Variants in SNX5 observed in about 807,000 individuals in gnomAD.
SNX5 encodes sorting nexin 5.
Under a neutral mutation model 53.9 loss-of-function variants are expected in SNX5, and 31 were observed. The ratio of observed to expected loss-of-function variants is 0.58; its 90% CI spans 0.43 to 0.78. SNX5 has a LOEUF of 0.78. Ranked by LOEUF, SNX5 falls within the 30% of genes least tolerant of loss-of-function variation. SNX5 has a pLI of 0.00. For missense variants in SNX5, 471 were observed against 478.8 expected, an observed-to-expected ratio of 0.98 and a Z score of 0.15; for synonymous variants, 168 against 171.1, an observed-to-expected ratio of 0.98 and a Z score of 0.14.
intron 1 of SNX5, among the ~76,000 whole-genome samples, chr20:17,964,155 TC>T (rs2081687762): frequency 1.3e-5 from 2 of 152,200 alleles, no homozygotes; most frequent in African/African-American, 4.8e-5. Flanking sequence ...CAACATTTTA[TC>T]ACCCACCAGC....
intron 12 of SNX5, chr20:17,942,849 G>A (rs915440953): frequency 4.9e-6 from 2 of 406,384 alleles, no homozygotes. Flanking sequence ...CCTGAGGTCA[G>A]GGGTTCAAGT....
At chr20:17,950,458 C>T (rs2122365020) in intron 6 of SNX5, 62 bp from the exon 7 acceptor site, 1 of 902,732 alleles carries the variant, frequency 1.1e-6, no homozygotes, top group South Asian at 1.5e-5. Flanking sequence ...CAGCCTTTTA[C>T]ATTTATCAAT....
Position 17,949,193 on chromosome 20 carries a change from C to T in SNX5, c.792-90G>A. On this transcript the variant is annotated intron_variant, in intron 8 of 12. Transcript: ENST00000377759. ...TGTGCAAGACAGGAATGGGTCAACT[C>T]AGGAGTCCTAGCCTTTGGTACTTTA... 2.9e-6 allele frequency: 3 copies of T among 1,047,230 alleles called. No individual in the cohort carries two copies. The South Asian group carries it at 4.0e-5, about 14-fold the overall frequency. The allele number at this position is 1,047,230 out of a possible 1,614,324, so 64.9% of individuals were successfully genotyped here.
chr20:17,967,816 C>T (rs2035577077), intron 1 of SNX5: 3 of 371,354 alleles, frequency 8.1e-6, no homozygotes, highest in Admixed American at 9.1e-5. Context: ...CCAAGTTCAG[C>T]AAGTATTTGA....
At chr20:17,965,807 G>C (rs192823413) in intron 1 of SNX5, among the ~76,000 whole-genome samples, 5 of 152,240 alleles carry the variant, frequency 3.3e-5, no homozygotes, top group Admixed American at 3.3e-4. Flanking sequence ...GAACTAAGGC[G>C]TGGGAAGCTT....
intron 1 of SNX5, among the ~76,000 whole-genome samples, chr20:17,967,521 G>C (rs992625592): frequency 2.0e-5 from 3 of 152,142 alleles, no homozygotes; most frequent in African/African-American, 7.2e-5. Context: ...TGTAAGTTAA[G>C]ACGGCTCCAA....
At chr20:17,953,495 T>C (rs1201852922) in intron 4 of SNX5, among the ~76,000 whole-genome samples, 1 of 152,252 alleles carries the variant, frequency 6.6e-6, no homozygotes, top group African/African-American at 2.4e-5. Context: ...ACAGCACTAT[T>C]TGGCCTGGCC....
intron 3 of SNX5, 182 bp from the exon 4 acceptor site, chr20:17,954,299 G>T: frequency 1.1e-6 from 1 of 889,884 alleles, no homozygotes; most frequent in South Asian, 1.8e-5. Context: ...AAAATGAGGT[G>T]TCTTCCTGAG....
intron 1 of SNX5, among the ~76,000 whole-genome samples, chr20:17,960,226 C>T (rs2035424824): frequency 6.6e-6 from 1 of 151,948 alleles, no homozygotes; most frequent in South Asian, 2.1e-4. Context: ...TTTGGGATGC[C>T]AAGGTAGGCA....
At position 17,942,334 on chromosome 20, in the gene SNX5, C is replaced by T. The variant is rs759037260; in HGVS notation, c.*23G>A. The T allele has an allele frequency of 2.6e-6, 4 of 1,516,758 alleles. No homozygotes were observed. Among genetic ancestry groups the T allele is most frequent in the Admixed American group, 1.7e-5 (1 of 59,782 alleles). 94.0% of individuals were successfully genotyped at this position (1,516,758 alleles called of 1,614,324 possible). On this transcript the variant is annotated 3_prime_UTR_variant, in exon 13 of 13. Coordinates refer to ENST00000377759, the MANE Select transcript of SNX5 (RefSeq NM_014426.4). ...GCTTGGCTTTCTTTCACATTCATTT[C>T]TTTTCTTCTGAGTGAAGGCATATCA...
At chr20:17,953,767 C>T (rs1315905092) in intron 4 of SNX5, among the ~76,000 whole-genome samples, 1 of 152,218 alleles carries the variant, frequency 6.6e-6, no homozygotes, top group East Asian at 1.9e-4. Context: ...AAGACAACTA[C>T]TCTATCGGGT....
At chr20:17,952,020 G>A (rs1568591172) in intron 5 of SNX5, among the ~76,000 whole-genome samples, 3 of 152,266 alleles carry the variant, frequency 2.0e-5, no homozygotes, top group East Asian at 3.9e-4. Flanking sequence ...TCAGGAGATC[G>A]AGACCATCTT....
intron 1 of SNX5, among the ~76,000 whole-genome samples, chr20:17,966,483 G>A (rs1184266673): frequency 6.6e-6 from 1 of 152,108 alleles, no homozygotes; most frequent in East Asian, 1.9e-4. Flanking sequence ...GAGGAAGAAG[G>A]CAAACCCCAA....
chr20:17,964,851 A>C (rs1180559533), intron 1 of SNX5, among the ~76,000 whole-genome samples: 5 of 152,188 alleles, frequency 3.3e-5, no homozygotes, highest in Admixed American at 2.0e-4. Flanking sequence ...GCAGCACAAG[A>C]AACTCAGGTA....
At chr20:17,967,936 C>T (rs928389331) in intron 1 of SNX5, 5 of 397,474 alleles carry the variant, frequency 1.3e-5, no homozygotes, top group Non-Finnish European at 1.8e-5. Context: ...TTGGGCCCCC[C>T]CCCCAAAAAA....
intron 1 of SNX5, among the ~76,000 whole-genome samples, chr20:17,964,421 CTT>C (rs1309458734): frequency 6.6e-6 from 1 of 152,174 alleles, no homozygotes; most frequent in Non-Finnish European, 1.5e-5. Context: ...CATTTTTAAA[CTT>C]AAGTGTTGGC....
At position 17,955,480 on chromosome 20, in the gene SNX5, A is replaced by G; in HGVS notation, c.157-5T>C. Reference sequence around the variant, plus strand: ...CTGAAACGTGGGCAGTGTGGTCTGTAAAGAAAGAAAGAAGTTAACTGGTAA... The same window carrying G: ...CTGAAACGTGGGCAGTGTGGTCTGTGAAGAAAGAAAGAAGTTAACTGGTAA... On this transcript the variant is annotated splice_polypyrimidine_tract_variant and splice_region_variant and intron_variant, in intron 2 of 12. Transcript: ENST00000377759. The G allele has an allele frequency of 6.2e-7, 1 of 1,606,910 alleles. No individual in the cohort carries two copies. Among genetic ancestry groups the G allele is most frequent in the East Asian group, 2.2e-5 (1 of 44,826 alleles).
chr20:17,962,036 C>G, intron 1 of SNX5: 1 of 955,668 alleles, frequency 1.0e-6, no homozygotes, highest in African/African-American at 1.8e-5. Context: ...TTTGAACTCT[C>G]AGGAAACAAT....
chr20:17,968,468 AAAG>A lies in SNX5; in HGVS notation c.-46_-44del, dbSNP rs536243297. 7,496 of 1,289,254 alleles carry A rather than the reference AAAG, an allele frequency of 5.8e-3. 24 individuals carry two copies. The highest frequency in any genetic ancestry group is 6.7e-3 in the Non-Finnish European group (6,785 of 1,016,326). 79.9% of individuals were successfully genotyped at this position (1,289,254 alleles called of 1,614,324 possible). A position where few individuals can be genotyped will look rare whatever the true frequency, so the allele number is the denominator to read the frequency against. On this transcript the variant is annotated 5_prime_UTR_variant, in exon 1 of 13. Transcript: ENST00000377759. ...GCAGGGGCCGCCTGGCTGTGCGAGG[AAAG>A]AAGAAGCTGGGCCGCCGCCGCCGCC... is the stretch of plus-strand genomic sequence containing the variant.
Sources: allele counts gnomAD v4.1 joint callset (sites outside exome capture counted in the v4.1 genomes callset), GRCh38; gene constraint gnomAD v4.1.1; transcripts MANE v1.5; gene names NCBI Gene and HGNC (gene_info 2026-07-23, HGNC 2026-07-21).